PDILT: variants seen among roughly 807,000 people sequenced by gnomAD.
PDILT encodes the protein protein disulfide-isomerase-like protein of the testis.
A neutral mutation model predicts 53.7 loss-of-function variants in PDILT; 43 were observed. That is an observed-to-expected ratio of 0.80 (90% CI 0.63 to 1.03). The LOEUF is 1.03. Ranked by LOEUF, PDILT falls within the 50% of genes least tolerant of loss-of-function variation. The pLI is 0.00. For synonymous variants in PDILT, 282 were observed against 274.2 expected (o/e 1.03, Z -0.28); for missense variants, 727 against 712.3 (o/e 1.02, Z -0.24).
intron 3 of PDILT, among the ~76,000 whole-genome samples, chr16:20,380,877 C>T (rs1178081214): frequency 3.3e-5 from 5 of 152,182 alleles, no homozygotes; most frequent in Admixed American, 6.5e-5. Context: ...CCCCTCTGGC[C>T]CCTGTGGGAC....
At chr16:20,361,816 C>T (rs961353701) in intron 10 of PDILT, among the ~76,000 whole-genome samples, 28 of 152,162 alleles carry the variant, frequency 1.8e-4, no homozygotes, top group African/African-American at 6.5e-4. Context: ...CATATCTGCC[C>T]TCCAGAAGCT....
intron 8 of PDILT, among the ~76,000 whole-genome samples, chr16:20,367,957 G>A (rs534599591): frequency 7.1e-4 from 108 of 152,094 alleles, no homozygotes; most frequent in Non-Finnish European, 1.3e-3. Context: ...GGTGGAAGAT[G>A]GAGGGGATAA....
chr16:20,387,114 C>T (rs1484950787), intron 2 of PDILT, among the ~76,000 whole-genome samples: 2 of 152,132 alleles, frequency 1.3e-5, no homozygotes, highest in Non-Finnish European at 2.9e-5. Context: ...TAGGATATGC[C>T]ATGTGCCAGG....
rs1385915942 is a variant in PDILT at position 20,374,932 on chromosome 16, A to G, written c.571T>C (p.Phe191Leu). Residue 191 changes from phenylalanine to leucine, a missense_variant, in exon 5 of 12, where the codon TTC becomes CTC. Transcript: ENST00000302451. Reference sequence around the variant, plus strand: ...GGAAAGTCTTTGATCACATCATAGAACAACTCTGCTACTTCTTCCTCTAAA... The same window carrying G: ...GGAAAGTCTTTGATCACATCATAGAGCAACTCTGCTACTTCTTCCTCTAAA... ...QDLEEEVAELFYDVIKDFPEL... is the reference protein window; with the variant it reads ...QDLEEEVAELLYDVIKDFPEL... 1.9e-6 allele frequency: 3 copies of G among 1,612,326 alleles called. No homozygotes were observed. Among genetic ancestry groups the G allele is most frequent in the Non-Finnish European group, 2.5e-6 (3 of 1,179,156 alleles).
At chr16:20,381,659 A>G (rs1966463851) in intron 3 of PDILT, among the ~76,000 whole-genome samples, 1 of 150,608 alleles carries the variant, frequency 6.6e-6, no homozygotes, top group Non-Finnish European at 1.5e-5. Flanking sequence ...AAAAAAAGAG[A>G]AATTGGAAGC....
At chr16:20,368,770 A>AT (rs1438303821) in intron 8 of PDILT, among the ~76,000 whole-genome samples, 4 of 151,928 alleles carry the variant, frequency 2.6e-5, no homozygotes, top group African/African-American at 9.7e-5. Context: ...TAATTTTTAA[A>AT]TTTTTTGTCA....
intron 7 of PDILT, among the ~76,000 whole-genome samples, chr16:20,371,151 C>T (rs1966301197): frequency 2.0e-5 from 3 of 152,044 alleles, no homozygotes. Context: ...AGCTTCAGCA[C>T]CATGAGGGAG....
chr16:20,404,140 A>G (rs1966784056), intron 1 of PDILT, among the ~76,000 whole-genome samples: 1 of 152,170 alleles, frequency 6.6e-6, no homozygotes, highest in Non-Finnish European at 1.5e-5. Flanking sequence ...CAGATTTGGA[A>G]CTCAATGAAT....
chr16:20,381,528 C>A (rs1000883068), intron 3 of PDILT, among the ~76,000 whole-genome samples: 1 of 150,328 alleles, frequency 6.7e-6, no homozygotes, highest in African/African-American at 2.5e-5. Flanking sequence ...CCCAGCTACT[C>A]GGGAGGCTAA....
intron 3 of PDILT, 106 bp downstream of exon 3, chr16:20,384,539 G>A (rs1413717815): frequency 2.2e-6 from 3 of 1,351,028 alleles, no homozygotes; most frequent in Non-Finnish European, 3.1e-6. Flanking sequence ...GGAGGATCCT[G>A]GGTCCCCGAG....
At chr16:20,396,442 C>T (rs977889949) in intron 2 of PDILT, among the ~76,000 whole-genome samples, 3 of 152,208 alleles carry the variant, frequency 2.0e-5, no homozygotes, top group African/African-American at 7.2e-5. Flanking sequence ...TAAATTTCAA[C>T]GACTTCTACT....
chr16:20,369,470 C>T (rs946205194), intron 8 of PDILT, 22 bp downstream of exon 8: 1 of 1,605,476 alleles, frequency 6.2e-7, no homozygotes, highest in Non-Finnish European at 8.5e-7. Flanking sequence ...TCTGGATAAA[C>T]CTTGTCCAAG....
At chr16:20,397,531 T>TA (rs1302980707) in intron 2 of PDILT, among the ~76,000 whole-genome samples, 3 of 152,128 alleles carry the variant, frequency 2.0e-5, no homozygotes, top group Non-Finnish European at 4.4e-5. Flanking sequence ...ACCAGTCCAG[T>TA]AAGTGGCAGA....
Position 20,365,530 on chromosome 16 carries a change from G to C in PDILT, c.1127C>G (p.Ser376Cys), listed in dbSNP as rs267604437. 1.9e-6 allele frequency: 3 copies of C among 1,614,110 alleles called. No homozygotes were observed. The Admixed American group carries it at 5.0e-5, about 27-fold the overall frequency. ...CCAGTATTTTGGAATCTCTTCACTG[G>C]ATTGATGTTTCTAGGAAGCACATTT... ...FLSKNATKHQ[S>C]SEEIPKYWDQ... Residue 376 changes from serine to cysteine, a missense_variant, in exon 9 of 12, where the codon TCC becomes TGC. Coordinates refer to ENST00000302451, the MANE Select transcript of PDILT (RefSeq NM_174924.2).
intron 2 of PDILT, among the ~76,000 whole-genome samples, chr16:20,394,262 G>A (rs894840337): frequency 3.3e-5 from 5 of 152,226 alleles, no homozygotes; most frequent in Non-Finnish European, 7.3e-5. Context: ...TTCCTACCCA[G>A]AAGAGAACTC....
At position 20,404,018 on chromosome 16, in the gene PDILT, T is replaced by C. The variant is rs372742935; in HGVS notation, c.-8+478A>G. Among the ~76,000 whole-genome samples, 3 of 152,336 alleles carry C rather than the reference T, an allele frequency of 2.0e-5. 1 individual carries two copies. Among genetic ancestry groups the C allele is most frequent in the African/African-American group, 7.2e-5 (3 of 41,572 alleles). ...TGCCATATCACCATTGTTTGCATCA[T>C]ATTTTGTATTATTATTTATGAGTGT... is the stretch of plus-strand genomic sequence containing the variant. On this transcript the variant is annotated intron_variant, in intron 1 of 11. Coordinates refer to ENST00000302451, the MANE Select transcript of PDILT (RefSeq NM_174924.2).
At position 20,378,286 on chromosome 16, in the gene PDILT, G is replaced by A. The variant is rs115704521; in HGVS notation, c.410-2085C>T. On this transcript the variant is annotated intron_variant, in intron 3 of 11. Coordinates refer to ENST00000302451, the MANE Select transcript of PDILT (RefSeq NM_174924.2). The stretch of plus-strand genomic sequence containing the variant: ...CACTTGTGTGACTACAACCCAAATC[G>A]AGAACTAGAACATCACCAGATCCTC... Among the ~76,000 whole-genome samples, 741 of 152,192 alleles carry A rather than the reference G, an allele frequency of 4.9e-3. 7 individuals carry two copies. Among genetic ancestry groups the A allele is most frequent in the African/African-American group, 0.017 (687 of 41,518 alleles).
intron 10 of PDILT, among the ~76,000 whole-genome samples, chr16:20,361,056 G>T (rs915727480): frequency 2.0e-5 from 3 of 152,138 alleles, no homozygotes; most frequent in African/African-American, 7.2e-5. Flanking sequence ...ACAGCGCCTG[G>T]TTCATGATAA....
intron 2 of PDILT, among the ~76,000 whole-genome samples, chr16:20,395,980 C>T (rs1188178330): frequency 1.3e-5 from 2 of 152,200 alleles, no homozygotes; most frequent in African/African-American, 4.8e-5. Flanking sequence ...CTCAGGTATT[C>T]CTTTGTAGCA....
Sources: gnomAD v4.1 joint callset for allele counts (sites outside exome capture counted in the v4.1 genomes callset) on GRCh38, gnomAD v4.1.1 for gene constraint, MANE v1.5 for transcripts, NCBI Gene and HGNC (gene_info 2026-07-23, HGNC 2026-07-21) for gene names.